Variants in LRRN3 observed in about 807,000 individuals in gnomAD.
The protein encoded by LRRN3 is leucine-rich repeat neuronal protein 3.
LRRN3 carries 15 observed loss-of-function variants against 40.1 expected under a neutral mutation model. The observed-to-expected ratio is 0.37, with a 90% CI of 0.25 to 0.58. LRRN3 has a LOEUF of 0.58. Ranked by LOEUF, LRRN3 falls within the 20% of genes least tolerant of loss-of-function variation. The probability of loss-of-function intolerance (pLI) is 0.72; values close to 1 mark genes in which losing one functional copy is unlikely to be tolerated. For synonymous variants in LRRN3, 308 were observed against 297.2 expected, an observed-to-expected ratio of 1.04 and a Z score of -0.37; for missense variants, 746 against 837.7, an observed-to-expected ratio of 0.89 and a Z score of 1.35.
intron 1 of LRRN3, among the ~76,000 whole-genome samples, chr7:111,094,724 G>C (rs1332668153): frequency 6.6e-6 from 1 of 152,122 alleles, no homozygotes; most frequent in Non-Finnish European, 1.5e-5. Flanking sequence ...ATAAAGTGAT[G>C]TATTGTTAGA....
At chr7:111,115,115 A>G (rs1039035369) in intron 2 of LRRN3, among the ~76,000 whole-genome samples, 1 of 152,206 alleles carries the variant, frequency 6.6e-6, no homozygotes, top group Non-Finnish European at 1.5e-5. Context: ...ATTTGGGACC[A>G]TATAAATGCT....
In LRRN3 at chr7:111,124,152, T is replaced by A. The variant is rs143921651; in HGVS notation, c.1380T>A (p.Ser460=). 4.3e-5 allele frequency: 70 copies of A among 1,614,022 alleles called. No homozygotes were observed. In the African/African-American group the frequency reaches 7.5e-4, roughly 17 times the overall value. The change falls in exon 3 of 3, where the codon TCT becomes TCA. Residue 460 remains serine, a synonymous_variant. Transcript: ENST00000308478. ...PQPEIYWITP[S]GQKLLPNTLT... Reference sequence around the variant, plus strand: ...CTGAAATCTACTGGATAACACCTTCTGGTCAAAAACTCTTGCCTAATACCC... The same window carrying A: ...CTGAAATCTACTGGATAACACCTTCAGGTCAAAAACTCTTGCCTAATACCC...
intron 2 of LRRN3, among the ~76,000 whole-genome samples, chr7:111,119,335 C>A (rs1800295588): frequency 6.6e-6 from 1 of 152,156 alleles, no homozygotes; most frequent in Non-Finnish European, 1.5e-5. Flanking sequence ...TTGTAACCAT[C>A]TGTTTACTTC....
intron 1 of LRRN3, 97 bp downstream of exon 1, chr7:111,091,601 T>G (rs1796872443): frequency 6.6e-6 from 1 of 152,200 alleles, no homozygotes; most frequent in African/African-American, 2.4e-5. Flanking sequence ...GATGTCTTCT[T>G]CTTGTCTGAA....
intron 2 of LRRN3, among the ~76,000 whole-genome samples, chr7:111,119,385 C>T (rs1800303643): frequency 6.6e-6 from 1 of 152,156 alleles, no homozygotes; most frequent in African/African-American, 2.4e-5. Flanking sequence ...AAGAAATCAA[C>T]CATATCTAAG....
chr7:111,093,093 T>C (rs1016828311), intron 1 of LRRN3, among the ~76,000 whole-genome samples: 4 of 152,188 alleles, frequency 2.6e-5, no homozygotes, highest in Non-Finnish European at 5.9e-5. Context: ...AGTCAATTAA[T>C]TCCAGTGACC....
Position 111,124,493 on chromosome 7 carries a change from A to G in LRRN3, c.1721A>G (p.Asp574Gly), listed in dbSNP as rs1801046314. ...GCGCAAAGTGCTCGAATACCATCTG[A>G]TGTCAAGGTATATAATCTTACTCAT... ...HAAQSARIPS[D>G]VKVYNLTHLN... Residue 574 changes from aspartate (D) to glycine (G), a missense_variant, in exon 3 of 3, where the codon GAT (aspartate) becomes GGT (glycine). Physicochemically the swap from Asp to Gly is moderately conservative, Grantham distance 94. Transcript: ENST00000308478. The G allele has an allele frequency of 6.2e-7, 1 of 1,613,834 alleles. No homozygotes were observed. Among genetic ancestry groups the G allele is most frequent in the African/African-American group, 1.3e-5 (1 of 74,934 alleles).
intron 1 of LRRN3, among the ~76,000 whole-genome samples, chr7:111,096,295 T>C (rs1797390021): frequency 6.6e-6 from 1 of 151,478 alleles, no homozygotes. Context: ...CTCCAGAGAG[T>C]AGAAGAAAAT....
intron 2 of LRRN3, among the ~76,000 whole-genome samples, chr7:111,114,149 C>T (rs1480986543): frequency 1.3e-5 from 2 of 151,982 alleles, no homozygotes; most frequent in Admixed American, 6.6e-5. Context: ...CACACACACA[C>T]ACACACACAC....
intron 2 of LRRN3, among the ~76,000 whole-genome samples, chr7:111,108,516 AG>A (rs1798806649): frequency 6.6e-6 from 1 of 152,178 alleles, no homozygotes; most frequent in African/African-American, 2.4e-5. Context: ...CAAGTAAAAA[AG>A]ATATACGAAC....
At chr7:111,098,823 G>C (rs1023320592) in intron 1 of LRRN3, among the ~76,000 whole-genome samples, 1 of 151,708 alleles carries the variant, frequency 6.6e-6, no homozygotes, top group Non-Finnish European at 1.5e-5. Flanking sequence ...ACAAGCCTTT[G>C]TGCATGAGGC....
intron 2 of LRRN3, among the ~76,000 whole-genome samples, chr7:111,107,017 C>T (rs913118769): frequency 6.6e-6 from 1 of 151,666 alleles, no homozygotes; most frequent in East Asian, 1.9e-4. Flanking sequence ...GATGTAAATC[C>T]TAGAAAACAA....
intron 2 of LRRN3, among the ~76,000 whole-genome samples, chr7:111,121,023 A>T (rs887254940): frequency 2.6e-5 from 4 of 152,186 alleles, no homozygotes; most frequent in African/African-American, 7.2e-5. Flanking sequence ...TAATGAAAAT[A>T]TAACAAATAA....
intron 1 of LRRN3, among the ~76,000 whole-genome samples, chr7:111,093,962 T>C (rs1376277044): frequency 6.6e-6 from 1 of 152,148 alleles, no homozygotes; most frequent in Non-Finnish European, 1.5e-5. Context: ...GTGGTTGTTG[T>C]TGTTAATGGC....
Position 111,123,601 on chromosome 7 carries a change from A to G in LRRN3, c.829A>G (p.Arg277Gly), listed in dbSNP as rs761710264. Residue 277 changes from arginine to glycine, a missense_variant, in exon 3 of 3, where the codon AGG becomes GGG. Transcript: ENST00000308478. The surrounding 1 kb of genome is among the most constrained non-coding windows in gnomAD (Gnocchi z 6.4). ...LNKNPINRIR[R>G]GDFSNMLHLK... The stretch of plus-strand genomic sequence containing the variant: ...TAAAAATCCTATTAATAGAATACGA[A>G]GGGGTGATTTTAGCAATATGCTACA... 3.7e-6 allele frequency: 6 copies of G among 1,613,384 alleles called. No homozygotes were observed. The East Asian group carries it at 1.1e-4, about 30-fold the overall frequency.
intron 1 of LRRN3, among the ~76,000 whole-genome samples, chr7:111,094,157 G>T (rs995807263): frequency 1.3e-5 from 2 of 151,990 alleles, no homozygotes; most frequent in African/African-American, 4.8e-5. Context: ...GAATTTTTTT[G>T]GGGTGTAACA....
chr7:111,123,042 T>A lies in LRRN3; in HGVS notation c.270T>A (p.Phe90Leu). 5 of 1,613,842 alleles carry A rather than the reference T, an allele frequency of 3.1e-6. No homozygotes were observed. The highest frequency in any genetic ancestry group is 4.2e-6 in the Non-Finnish European group (5 of 1,179,902). ...CAAAAATTGAATACTCCACAGACTTTCCAGTAAACCTTACTGGCCTGGATT... is the reference window on the plus strand; with the variant it reads ...CAAAAATTGAATACTCCACAGACTTACCAGTAAACCTTACTGGCCTGGATT... ...NIAKIEYSTD[F>L]PVNLTGLDLS... The change falls in exon 3 of 3, where the codon TTT becomes TTA. Residue 90 changes from phenylalanine to leucine, a missense_variant. By Grantham distance (22) the Phe-to-Leu change is conservative. Transcript: ENST00000308478. This position sits in a 1 kb window ranked among gnomAD's most constrained non-coding sequence, Gnocchi z 6.4.
chr7:111,111,578 G>A (rs1358167556), intron 2 of LRRN3, among the ~76,000 whole-genome samples: 4 of 152,008 alleles, frequency 2.6e-5, no homozygotes, highest in Non-Finnish European at 5.9e-5. Flanking sequence ...AAATGGTATA[G>A]TAGTCAAATA....
intron 2 of LRRN3, among the ~76,000 whole-genome samples, 188 bp downstream of exon 2, chr7:111,100,150 G>C (rs536376544): frequency 6.6e-6 from 1 of 151,494 alleles, no homozygotes; most frequent in African/African-American, 2.4e-5. Flanking sequence ...AATTTCAATA[G>C]CTTTTTGGGA....
Sources: allele counts gnomAD v4.1 joint callset (sites outside exome capture counted in the v4.1 genomes callset), GRCh38; gene constraint gnomAD v4.1.1; non-coding constraint Gnocchi (gnomAD v3.1); transcripts MANE v1.5; gene names NCBI Gene and HGNC (gene_info 2026-07-23, HGNC 2026-07-21).